The following LHFPL6 variants were observed in gnomAD, a reference collection of about 807,000 sequenced individuals.
LHFPL6 encodes the protein LHFPL tetraspan subfamily member 6 protein.
Under a neutral mutation model 20.6 loss-of-function variants are expected in LHFPL6, and 9 were observed. The ratio of observed to expected loss-of-function variants is 0.44; its 90% CI spans 0.26 to 0.76. LHFPL6 has a LOEUF of 0.76. Among genes scored for constraint, LHFPL6 ranks in the 30% least tolerant of loss-of-function variants. The pLI, the probability that LHFPL6 is intolerant of heterozygous loss-of-function variation, is 0.20. For synonymous variants in LHFPL6, 105 were observed against 98.7 expected (o/e 1.06, Z -0.38); for missense variants, 218 against 253.5 (o/e 0.86, Z 0.95).
At chr13:39,447,053 C>T (rs1431524111) in intron 2 of LHFPL6, among the ~76,000 whole-genome samples, 1 of 152,202 alleles carries the variant, frequency 6.6e-6, no homozygotes, top group African/African-American at 2.4e-5. Flanking sequence ...TCCTTTCAAA[C>T]CACAAATCTA....
In LHFPL6 at chr13:39,566,012, C is replaced by T. The variant is rs527904522; in HGVS notation, c.385+34820G>A. Among the ~76,000 whole-genome samples the T allele has an allele frequency of 3.3e-5, 5 of 152,194 alleles. No homozygotes were observed. The East Asian group carries it at 5.8e-4, about 18-fold the overall frequency. On this transcript the variant is annotated intron_variant, in intron 2 of 3. Transcript: ENST00000379589. ...TAATTGGATTTTTAAATTATTATGC[C>T]CTAGGATCTATCTGAAACATAGACT... is the stretch of plus-strand genomic sequence containing the variant.
chr13:39,495,516 C>A (rs1443458824), intron 2 of LHFPL6, among the ~76,000 whole-genome samples: 3 of 151,782 alleles, frequency 2.0e-5, no homozygotes, highest in Non-Finnish European at 2.9e-5. Flanking sequence ...ATTTTAGAGG[C>A]TAGCAGTGAA....
chr13:39,561,521 A>G (rs912725166), intron 2 of LHFPL6, among the ~76,000 whole-genome samples: 6 of 152,166 alleles, frequency 3.9e-5, no homozygotes, highest in Admixed American at 1.3e-4. Context: ...CCCAGGCTGG[A>G]GTGCAGTGGT....
At chr13:39,527,849 T>C (rs1870344378) in intron 2 of LHFPL6, among the ~76,000 whole-genome samples, 1 of 152,242 alleles carries the variant, frequency 6.6e-6, no homozygotes, top group South Asian at 2.1e-4. Context: ...TTAACCAAGT[T>C]GTCAGAAGTA....
chr13:39,392,633 C>A (rs1194874816), intron 2 of LHFPL6, among the ~76,000 whole-genome samples: 1 of 151,886 alleles, frequency 6.6e-6, no homozygotes, highest in Non-Finnish European at 1.5e-5. Context: ...AGAGTAAATG[C>A]TGCATTTCAC....
At chr13:39,399,003 C>T (rs964999863) in intron 2 of LHFPL6, among the ~76,000 whole-genome samples, 2 of 152,184 alleles carry the variant, frequency 1.3e-5, no homozygotes, top group African/African-American at 4.8e-5. Flanking sequence ...CAGCAGAGTA[C>T]GTTTCATAAT....
Position 39,480,359 on chromosome 13 carries a change from T to C in LHFPL6, c.386-101833A>G, listed in dbSNP as rs549788622. On this transcript the variant is annotated intron_variant, in intron 2 of 3. Transcript: ENST00000379589. Reference sequence around the variant, plus strand: ...TGATACAGAAGCATCTATATATGAATATATTAATACAAATATGTATAGTTC... The same window carrying C: ...TGATACAGAAGCATCTATATATGAACATATTAATACAAATATGTATAGTTC... Among the ~76,000 whole-genome samples, 5 of 152,354 alleles carry C rather than the reference T, an allele frequency of 3.3e-5. No homozygotes were observed. The South Asian group carries it at 8.3e-4, about 25-fold the overall frequency.
At chr13:39,432,948 T>C (rs572629144) in intron 2 of LHFPL6, among the ~76,000 whole-genome samples, 3 of 152,332 alleles carry the variant, frequency 2.0e-5, no homozygotes, top group East Asian at 1.9e-4. Flanking sequence ...CTTGTTAATA[T>C]GAAAACAAAT....
chr13:39,480,665 C>T (rs989909025), intron 2 of LHFPL6, among the ~76,000 whole-genome samples: 4 of 152,130 alleles, frequency 2.6e-5, no homozygotes, highest in Admixed American at 6.6e-5. Context: ...CCCTTTTTTA[C>T]TCAAGAAAAA....
chr13:39,541,933 CA>C (rs757185166), intron 2 of LHFPL6, among the ~76,000 whole-genome samples: 2 of 150,770 alleles, frequency 1.3e-5, no homozygotes, highest in Non-Finnish European at 3.0e-5. Flanking sequence ...ACTAAAAATA[CA>C]AAAAAAATTA....
At chr13:39,408,031 T>C (rs1026731868) in intron 2 of LHFPL6, among the ~76,000 whole-genome samples, 5 of 152,326 alleles carry the variant, frequency 3.3e-5, no homozygotes, top group Admixed American at 3.3e-4. Flanking sequence ...GACTACTTAC[T>C]CATCTTTGTA....
At chr13:39,562,543 T>C (rs1392054620) in intron 2 of LHFPL6, among the ~76,000 whole-genome samples, 6 of 146,548 alleles carry the variant, frequency 4.1e-5, no homozygotes, top group Non-Finnish European at 9.0e-5. Context: ...TATATACACA[T>C]ATACATATAT....
intron 2 of LHFPL6, among the ~76,000 whole-genome samples, chr13:39,576,259 T>G (rs987901649): frequency 6.6e-6 from 1 of 152,202 alleles, no homozygotes; most frequent in Non-Finnish European, 1.5e-5. Flanking sequence ...ACAGTTAAAG[T>G]CAGTAAAAAT....
intron 3 of LHFPL6, among the ~76,000 whole-genome samples, chr13:39,372,878 C>T (rs1012721532): frequency 6.6e-6 from 1 of 152,108 alleles, no homozygotes; most frequent in Non-Finnish European, 1.5e-5. Context: ...TATTTTGTAC[C>T]ATGGCTGATA....
Position 39,601,070 on chromosome 13 carries a change from C to T in LHFPL6, c.147G>A (p.Arg49=), listed in dbSNP as rs1249836271. ...TCTCATCATGCACAGGATATGAGCA[C>T]CTCCGGAAGGTACCGAAGGACACAG... ...GKPVSFGTFR[R]CSYPVHDESR... Residue 49 remains arginine, a synonymous_variant, in exon 2 of 4, where the codon AGG becomes AGA. Transcript: ENST00000379589. 15 of 1,614,088 alleles carry T rather than the reference C, an allele frequency of 9.3e-6. No individual in the cohort carries two copies. The highest frequency in any genetic ancestry group is 1.7e-5 in the Admixed American group (1 of 60,010).
chr13:39,550,727 G>C (rs774710420), intron 2 of LHFPL6, among the ~76,000 whole-genome samples: 1 of 152,104 alleles, frequency 6.6e-6, no homozygotes, highest in Non-Finnish European at 1.5e-5. Context: ...TTATGAATAA[G>C]AGAAATTCAG....
At chr13:39,429,910 AT>A (rs1362609598) in intron 2 of LHFPL6, among the ~76,000 whole-genome samples, 1 of 152,142 alleles carries the variant, frequency 6.6e-6, no homozygotes, top group East Asian at 1.9e-4. Flanking sequence ...CTTAAAGCAT[AT>A]TTCTTTCCCT....
At chr13:39,417,061 T>C (rs2138392610) in intron 2 of LHFPL6, among the ~76,000 whole-genome samples, 1 of 152,212 alleles carries the variant, frequency 6.6e-6, no homozygotes, top group Admixed American at 6.5e-5. Context: ...GTAGGGAGAC[T>C]CCTCTTAACT....
At chr13:39,461,378 G>A (rs1872683827) in intron 2 of LHFPL6, among the ~76,000 whole-genome samples, 1 of 152,162 alleles carries the variant, frequency 6.6e-6, no homozygotes, top group Non-Finnish European at 1.5e-5. Flanking sequence ...GGGTCAAATG[G>A]TAATTCTCTT....
Sources: gnomAD v4.1 joint callset for allele counts (sites outside exome capture counted in the v4.1 genomes callset) on GRCh38, gnomAD v4.1.1 for gene constraint, MANE v1.5 for transcripts, NCBI Gene and HGNC (gene_info 2026-07-23, HGNC 2026-07-21) for gene names.